ANKRD26: variants seen among roughly 807,000 people sequenced by gnomAD.
ANKRD26 encodes ankyrin repeat domain 26.
Under a neutral mutation model 208.7 loss-of-function variants are expected in ANKRD26, and 141 were observed. The ratio of observed to expected loss-of-function variants is 0.68; its 90% CI spans 0.59 to 0.78. The LOEUF (loss-of-function observed/expected upper bound fraction) is 0.78. Ranked by LOEUF, ANKRD26 falls within the 30% of genes least tolerant of loss-of-function variation. The pLI, the probability that ANKRD26 is intolerant of heterozygous loss-of-function variation, is 0.00. For missense variants in ANKRD26, 1,889 were observed against 1,938.7 expected, an observed-to-expected ratio of 0.97 and a Z score of 0.48; for synonymous variants, 636 against 660.4, an observed-to-expected ratio of 0.96 and a Z score of 0.57.
chr10:27,044,979 T>G (rs1359405639), intron 18 of ANKRD26, among the ~76,000 whole-genome samples: 2 of 152,234 alleles, frequency 1.3e-5, no homozygotes, highest in African/African-American at 4.8e-5. Flanking sequence ...ATAAATAATT[T>G]CTGAATCTTG....
intron 27 of ANKRD26, among the ~76,000 whole-genome samples, chr10:27,027,579 T>C (rs2053705832): frequency 6.6e-6 from 1 of 152,186 alleles, no homozygotes; most frequent in Admixed American, 6.5e-5. Context: ...TATCATAATC[T>C]TTTTTATTAA....
rs1025941982 is a variant in ANKRD26, at chr10:27,029,278, A to C, written c.3878+8T>G. On this transcript the variant is annotated splice_region_variant and intron_variant, in intron 26 of 33. Transcript: ENST00000376087. ...TCATGTTTTTCTGTGTGCTGCTTTA[A>C]ATTTTACTTTTGCTTGTGATCTTGC... is the stretch of plus-strand genomic sequence containing the variant. 35 of 1,607,958 alleles carry C rather than the reference A, an allele frequency of 2.2e-5. No homozygotes were observed. The highest frequency in any genetic ancestry group is 2.8e-5 in the Non-Finnish European group (33 of 1,176,246).
chr10:26,963,903 GTTTTTTT>G, the ANKRD26 span, among the ~76,000 whole-genome samples: 18 of 71,848 alleles, frequency 2.5e-4, no homozygotes, highest in Non-Finnish European at 4.2e-4. Context: ...TGGTTGGTTG[GTTTTTTT>G]TTTTTTTTTT....
Position 27,069,244 on chromosome 10 carries a change from G to A in ANKRD26, c.1078-1958C>T, listed in dbSNP as rs76033558. On this transcript the variant is annotated intron_variant, in intron 9 of 33. Coordinates refer to ENST00000376087, the MANE Select transcript of ANKRD26 (RefSeq NM_014915.3). The stretch of plus-strand genomic sequence containing the variant: ...AAAAGGATATGAGAAATGATAAGCA[G>A]GTAGAAAATAAAGAACTTGGTGAGT... Among the ~76,000 whole-genome samples the A allele has an allele frequency of 6.5e-3, 959 of 147,444 alleles. 39 individuals carry two copies. In the East Asian group the frequency reaches 0.12, roughly 18 times the overall value.
chr10:26,955,702 T>C, the ANKRD26 span, among the ~76,000 whole-genome samples: 2 of 152,070 alleles, frequency 1.3e-5, no homozygotes, highest in Middle Eastern at 3.4e-3. Flanking sequence ...ATAAAGAAAA[T>C]AGTGACTTGA....
At chr10:27,070,912 G>A (rs922527765) in intron 9 of ANKRD26, among the ~76,000 whole-genome samples, 1 of 152,062 alleles carries the variant, frequency 6.6e-6, no homozygotes, top group South Asian at 2.1e-4. Flanking sequence ...TAATCTGCCC[G>A]CCTTGGCCTC....
downstream of ANKRD26, among the ~76,000 whole-genome samples, chr10:26,972,588 C>CTTT (rs773904333): frequency 3.1e-4 from 38 of 121,964 alleles, no homozygotes; most frequent in East Asian, 2.9e-3. Flanking sequence ...CAAAGTGATT[C>CTTT]TTTTTTTTTT....
the ANKRD26 span, among the ~76,000 whole-genome samples, chr10:26,947,860 T>G: frequency 1.3e-5 from 2 of 152,242 alleles, no homozygotes; most frequent in African/African-American, 2.4e-5. Flanking sequence ...AAAATAATAC[T>G]TAAGGAACTT....
At chr10:26,981,160 T>C (rs1228947183) in intron 4 of ANKRD26, among the ~76,000 whole-genome samples, 1 of 152,208 alleles carries the variant, frequency 6.6e-6, no homozygotes, top group African/African-American at 2.4e-5. Context: ...GTCACAGGTA[T>C]TGACTATCTG....
chr10:26,969,338 GT>G (rs1293010665), downstream of ANKRD26, among the ~76,000 whole-genome samples: 1 of 152,206 alleles, frequency 6.6e-6, no homozygotes. Context: ...TAACTACACG[GT>G]TTTAGAAAGA....
Position 27,014,777 on chromosome 10 carries a change from C to T in ANKRD26, c.4507-66G>A, listed in dbSNP as rs1297114673. 7 of 1,346,822 alleles carry T rather than the reference C, an allele frequency of 5.2e-6. No individual in the cohort carries two copies. In the East Asian group the frequency reaches 7.3e-5, roughly 14 times the overall value. 83.4% of individuals were successfully genotyped at this position (1,346,822 alleles called of 1,614,324 possible). On this transcript the variant is annotated intron_variant, in intron 30 of 33. Coordinates refer to ENST00000376087, the MANE Select transcript of ANKRD26 (RefSeq NM_014915.3). ...CTGAGTAAGACCATGGTCACCTACT[C>T]GGTGTCTAAGGGCTGTTTTGTTTTT...
chr10:27,082,000 T>C (rs947525605), intron 6 of ANKRD26, among the ~76,000 whole-genome samples: 3 of 145,536 alleles, frequency 2.1e-5, no homozygotes, highest in Non-Finnish European at 4.4e-5. Flanking sequence ...CCTCCCAAAG[T>C]GCTGGGATTA....
downstream of ANKRD26, among the ~76,000 whole-genome samples, chr10:26,971,879 G>A (rs73596339): frequency 0.011 from 1,715 of 151,974 alleles, 36 homozygotes; most frequent in African/African-American, 0.039. Flanking sequence ...AATCTCTACC[G>A]TGCAGTTTCT....
chr10:27,083,364 G>T (rs780717713), intron 5 of ANKRD26, among the ~76,000 whole-genome samples: 1 of 149,438 alleles, frequency 6.7e-6, no homozygotes, highest in African/African-American at 2.5e-5. Context: ...TTTCTTAAAT[G>T]AAAAAAAAAA....
chr10:26,959,892 C>T, the ANKRD26 span, among the ~76,000 whole-genome samples: 25 of 152,132 alleles, frequency 1.6e-4, no homozygotes, highest in South Asian at 8.3e-4. Context: ...TTAATTGATG[C>T]GTATATGTTT....
chr10:26,976,368 C>A (rs186400046), intron 5 of ANKRD26, among the ~76,000 whole-genome samples: 1 of 152,148 alleles, frequency 6.6e-6, no homozygotes, highest in Non-Finnish European at 1.5e-5. Context: ...GTGCCCACCA[C>A]CACGCCTGGC....
the ANKRD26 span, among the ~76,000 whole-genome samples, chr10:26,960,160 A>AG: frequency 8.1e-4 from 122 of 151,374 alleles, no homozygotes; most frequent in Admixed American, 2.4e-3. Context: ...AAAAAAAAAA[A>AG]GGGGGGGTAG....
chr10:26,983,535 T>C (rs755267275), intron 3 of ANKRD26, among the ~76,000 whole-genome samples: 8 of 152,188 alleles, frequency 5.3e-5, no homozygotes, highest in Admixed American at 1.3e-4. Flanking sequence ...CCACCACATG[T>C]CTCCTGCACT....
chr10:27,061,206 CT>C lies in ANKRD26; in HGVS notation c.1399del (p.Arg467GlufsTer8). Reference sequence around the variant, plus strand: ...CTCTAGTTTAGCCATCTTAAAGTTTCTTGATCCACTCATGCAAGAAGGTATA... The same window carrying C: ...CTCTAGTTTAGCCATCTTAAAGTTTCTGATCCACTCATGCAAGAAGGTATA... Reference protein sequence around the residue: ...FYIPSCMSGSRNFKMAKLEDT... With the variant: ...FYIPSCMSGSXNFKMAKLEDT... On this transcript the variant is annotated frameshift_variant, in exon 13 of 34. Transcript: ENST00000376087. LOFTEE classifies it high-confidence loss of function. The C allele has an allele frequency of 6.2e-7, 1 of 1,611,476 alleles. No homozygotes were observed. The highest frequency in any genetic ancestry group is 1.1e-5 in the South Asian group (1 of 91,024).
Sources: allele counts gnomAD v4.1 joint callset (sites outside exome capture counted in the v4.1 genomes callset), GRCh38; gene constraint gnomAD v4.1.1; transcripts MANE v1.5; gene names NCBI Gene and HGNC (gene_info 2026-07-23, HGNC 2026-07-21).